Variants in HSBP1 observed in about 807,000 individuals in gnomAD.
HSBP1 encodes heat shock factor-binding protein 1.
In HSBP1, 5 loss-of-function variants were observed where a neutral mutation model predicts 9.6. The ratio of observed to expected loss-of-function variants is 0.52; its 90% CI spans 0.27 to 1.09. The LOEUF (loss-of-function observed/expected upper bound fraction) is 1.09. Ranked by LOEUF, HSBP1 falls within the 50% of genes least tolerant of loss-of-function variation. The pLI is 0.11. For missense variants in HSBP1, 121 were observed against 96.3 expected (o/e 1.26, Z -1.07); for synonymous variants, 42 against 33.3 (o/e 1.26, Z -0.90).
Position 83,809,348 on chromosome 16 carries a change from C to A in HSBP1, c.156C>A (p.Ile52=). 2 of 1,603,016 alleles carry A rather than the reference C, an allele frequency of 1.2e-6. No individual in the cohort carries two copies. The highest frequency in any genetic ancestry group is 2.2e-5 in the East Asian group (1 of 44,588). Residue 52 remains isoleucine, a synonymous_variant, in exon 3 of 4, where the codon ATC becomes ATA. Transcript: ENST00000433866. ...GCATTGATGATCTGGAAAAGAATAT[C>A]GCGGACCTCATGACACAGGCTGGGG... ...SSRIDDLEKN[I]ADLMTQAGVE...
At position 83,813,101 on chromosome 16, in the gene HSBP1, A is replaced by C. The variant is rs1458456515; in HGVS notation, c.*1683A>C. On this transcript the variant is annotated 3_prime_UTR_variant, in exon 4 of 4. Coordinates refer to ENST00000433866, the MANE Select transcript of HSBP1 (RefSeq NM_001537.4). ...GGACGGATTAAGTACAAGTAGCCCA[A>C]GGCAAAGCAGGAGAGGGGGTGTTGG... 8 of 151,640 alleles carry C rather than the reference A, an allele frequency of 5.3e-5. No homozygotes were observed. The highest frequency in any genetic ancestry group is 2.9e-5 in the Non-Finnish European group (2 of 68,088). The allele number at this position is 151,640 out of a possible 1,614,324, so 9.4% of individuals were successfully genotyped here.
chr16:83,808,950 G>C (rs1221973464), intron 2 of HSBP1, among the ~76,000 whole-genome samples: 2 of 152,192 alleles, frequency 1.3e-5, no homozygotes, highest in East Asian at 1.9e-4. Flanking sequence ...AGGAGCATAC[G>C]TCTACCAATC....
chr16:83,812,249 A>G lies in HSBP1; in HGVS notation c.*831A>G, dbSNP rs1904617099. The G allele has an allele frequency of 6.6e-6, 1 of 152,646 alleles. No individual in the cohort carries two copies. The highest frequency in any genetic ancestry group is 2.1e-4 in the South Asian group (1 of 4,838). 9.5% of individuals were successfully genotyped at this position (152,646 alleles called of 1,614,324 possible). On this transcript the variant is annotated 3_prime_UTR_variant, in exon 4 of 4. Transcript: ENST00000433866. ...TTGAGCTAGTGACTTGAAAAGAAAG[A>G]GAGAAGGAAAAGAGACCATATTAAG...
In HSBP1 at chr16:83,816,208, G is replaced by C. The variant is rs1175487716; in HGVS notation, c.*4790G>C. ...GAGGTCAGGAGTTCTAAACCAGCCTGGCCAACATGGCGAAACCCCCGTCTC... is the reference window on the plus strand; with the variant it reads ...GAGGTCAGGAGTTCTAAACCAGCCTCGCCAACATGGCGAAACCCCCGTCTC... On this transcript the variant is annotated 3_prime_UTR_variant, in exon 4 of 4. Transcript: ENST00000433866. 2 of 152,110 alleles carry C rather than the reference G, an allele frequency of 1.3e-5. No homozygotes were observed. Among genetic ancestry groups the C allele is most frequent in the East Asian group, 3.9e-4 (2 of 5,170 alleles). 9.4% of individuals were successfully genotyped at this position (152,110 alleles called of 1,614,324 possible).
rs539989197 is a variant in HSBP1, at chr16:83,812,521, G to C, written c.*1103G>C. ...TGATCCATATGATTGTCACCACAAA[G>C]TGCTTTTACACAAAAACTTGAAAAT... On this transcript the variant is annotated 3_prime_UTR_variant, in exon 4 of 4. Transcript: ENST00000433866. 59 of 152,272 alleles carry C rather than the reference G, an allele frequency of 3.9e-4. No homozygotes were observed. Among genetic ancestry groups the C allele is most frequent in the African/African-American group, 1.4e-3 (58 of 41,548 alleles). The allele number at this position is 152,272 out of a possible 1,614,324, so 9.4% of individuals were successfully genotyped here.
rs559616591 is a variant in HSBP1 at position 83,816,990 on chromosome 16, G to A, written c.*5572G>A. 1 of 152,156 alleles carries A rather than the reference G, an allele frequency of 6.6e-6. No homozygotes were observed. The highest frequency in any genetic ancestry group is 6.5e-5 in the Admixed American group (1 of 15,282). The allele number at this position is 152,156 out of a possible 1,614,324, so 9.4% of individuals were successfully genotyped here. On this transcript the variant is annotated 3_prime_UTR_variant, in exon 4 of 4. Transcript: ENST00000433866. The stretch of plus-strand genomic sequence containing the variant: ...TGGTAACACTGGAGATGGTTAAATC[G>A]GAATTAGCTGACTGTCAACCTTGGT...
In HSBP1 at chr16:83,815,011, T is replaced by G. The variant is rs1169657280; in HGVS notation, c.*3593T>G. On this transcript the variant is annotated 3_prime_UTR_variant, in exon 4 of 4. Coordinates refer to ENST00000433866, the MANE Select transcript of HSBP1 (RefSeq NM_001537.4). Reference sequence around the variant, plus strand: ...ACCATCCTATTGGATTTCACTGTTTTTTGTTTTGTGGTGTTTTTTTTTTAT... The same window carrying G: ...ACCATCCTATTGGATTTCACTGTTTGTTGTTTTGTGGTGTTTTTTTTTTAT... 1 of 126,224 alleles carries G rather than the reference T, an allele frequency of 7.9e-6. No individual in the cohort carries two copies. Among genetic ancestry groups the G allele is most frequent in the Non-Finnish European group, 1.8e-5 (1 of 55,916 alleles). The allele number at this position is 126,224 out of a possible 1,614,324, so 7.8% of individuals were successfully genotyped here.
In HSBP1 at chr16:83,818,248, C is replaced by T. The variant is rs1319328522; in HGVS notation, c.*6830C>T. The T allele has an allele frequency of 6.6e-6, 1 of 152,162 alleles. No individual in the cohort carries two copies. Among genetic ancestry groups the T allele is most frequent in the East Asian group, 1.9e-4 (1 of 5,198 alleles). 9.4% of individuals were successfully genotyped at this position (152,162 alleles called of 1,614,324 possible). On this transcript the variant is annotated 3_prime_UTR_variant, in exon 4 of 4. Transcript: ENST00000433866. ...ATGCGAGGAAGATTCTTTTCCTGGG[C>T]CACTCTCATTTTCTCAAACTTGGAC...
rs1047323605 is a variant in HSBP1, at chr16:83,808,027, A to T, written c.-50A>T. The T allele has an allele frequency of 6.1e-6, 9 of 1,474,686 alleles. No homozygotes were observed. Among genetic ancestry groups the T allele is most frequent in the Non-Finnish European group, 8.2e-6 (9 of 1,103,750 alleles). The allele number at this position is 1,474,686 out of a possible 1,614,324, so 91.4% of individuals were successfully genotyped here. ...CCGGGGCGACTGAGCGGACAAACGG[A>T]AGTGTAGGTTACGGTCTGAGACATC... On this transcript the variant is annotated 5_prime_UTR_variant, in exon 1 of 4. Coordinates refer to ENST00000433866, the MANE Select transcript of HSBP1 (RefSeq NM_001537.4).
chr16:83,808,215 C>T (rs1017429041), intron 1 of HSBP1, 94 bp downstream of exon 1: 40 of 1,095,590 alleles, frequency 3.7e-5, no homozygotes, highest in Non-Finnish European at 5.0e-5. Context: ...CGCGGCCGCG[C>T]GTGGCGTCTG....
In HSBP1 at chr16:83,816,777, T is replaced by G. The variant is rs1208854439; in HGVS notation, c.*5359T>G. On this transcript the variant is annotated 3_prime_UTR_variant, in exon 4 of 4. Transcript: ENST00000433866. ...GTGCTGAGGTTGAGGAATCCCAGCTTAACCCATTCATGAGACCACCTGAGC... is the reference window on the plus strand; with the variant it reads ...GTGCTGAGGTTGAGGAATCCCAGCTGAACCCATTCATGAGACCACCTGAGC... The G allele has an allele frequency of 2.6e-5, 4 of 152,160 alleles. No homozygotes were observed. Among genetic ancestry groups the G allele is most frequent in the African/African-American group, 9.7e-5 (4 of 41,422 alleles). 9.4% of individuals were successfully genotyped at this position (152,160 alleles called of 1,614,324 possible).
In HSBP1 at chr16:83,815,288, G is replaced by A. The variant is rs575679477; in HGVS notation, c.*3870G>A. 4.6e-5 allele frequency: 7 copies of A among 152,222 alleles called. No homozygotes were observed. In the South Asian group the frequency reaches 1.5e-3, roughly 32 times the overall value. 9.4% of individuals were successfully genotyped at this position (152,222 alleles called of 1,614,324 possible). A position where few individuals can be genotyped will look rare whatever the true frequency, so the allele number is the denominator to read the frequency against. On this transcript the variant is annotated 3_prime_UTR_variant, in exon 4 of 4. Transcript: ENST00000433866. Reference sequence around the variant, plus strand: ...TTTGTTTCAACAAGTCAGGATGACAGTATTTTAAAAAAGAAAAAAAGGCCA... The same window carrying A: ...TTTGTTTCAACAAGTCAGGATGACAATATTTTAAAAAAGAAAAAAAGGCCA...
rs564266393 is a variant in HSBP1, at chr16:83,812,328, T to A, written c.*910T>A. On this transcript the variant is annotated 3_prime_UTR_variant, in exon 4 of 4. Transcript: ENST00000433866. ...ATCAACGACTTGTAGTAGACTCAAG[T>A]TTTTAAAAAACACTATTTTACTTAA... 1 of 152,442 alleles carries A rather than the reference T, an allele frequency of 6.6e-6. No homozygotes were observed. Among genetic ancestry groups the A allele is most frequent in the African/African-American group, 2.4e-5 (1 of 41,572 alleles). The allele number at this position is 152,442 out of a possible 1,614,324, so 9.4% of individuals were successfully genotyped here.
chr16:83,810,521 CAAAAAA>C (rs751338141), intron 3 of HSBP1, among the ~76,000 whole-genome samples: 1 of 51,628 alleles, frequency 1.9e-5, no homozygotes, highest in Admixed American at 2.8e-4. Context: ...GACTCTGTCT[CAAAAAA>C]AAAAAAAAAA....
rs940306110 is a variant in HSBP1, at chr16:83,818,262, T to C, written c.*6844T>C. On this transcript the variant is annotated 3_prime_UTR_variant, in exon 4 of 4. Coordinates refer to ENST00000433866, the MANE Select transcript of HSBP1 (RefSeq NM_001537.4). ...CTTTTCCTGGGCCACTCTCATTTTCTCAAACTTGGACAAGTCTTAACAATA... is the reference window on the plus strand; with the variant it reads ...CTTTTCCTGGGCCACTCTCATTTTCCCAAACTTGGACAAGTCTTAACAATA... The C allele has an allele frequency of 5.3e-5, 8 of 152,214 alleles. No homozygotes were observed. The highest frequency in any genetic ancestry group is 7.3e-5 in the Non-Finnish European group (5 of 68,046). The allele number at this position is 152,214 out of a possible 1,614,324, so 9.4% of individuals were successfully genotyped here.
At position 83,808,266 on chromosome 16, in the gene HSBP1, C is replaced by T. The variant is rs776352270; in HGVS notation, c.45+145C>T. On this transcript the variant is annotated intron_variant, in intron 1 of 3. Transcript: ENST00000433866. ...TGGAAGCGTCTCTGGCCGAGGCTCC[C>T]GGCCACCTTGACCCCCGGGGCGCTC... The T allele has an allele frequency of 3.6e-5, 26 of 726,290 alleles. No homozygotes were observed. The African/African-American group carries it at 4.6e-4, about 13-fold the overall frequency. The allele number at this position is 726,290 out of a possible 1,614,324, so 45.0% of individuals were successfully genotyped here.
At chr16:83,808,303 G>C (rs577936975) in intron 1 of HSBP1, 182 bp downstream of exon 1, 4 of 584,576 alleles carry the variant, frequency 6.8e-6, no homozygotes, top group South Asian at 6.6e-5. Context: ...GTGCGGGCCA[G>C]TCTCCCCGCG....
In HSBP1 at chr16:83,813,309, C is replaced by G. The variant is rs1904643726; in HGVS notation, c.*1891C>G. ...TCTGTGAACCTCATGAAGAAATTAG[C>G]ATATTAAAGACTCTGAAAGTAGAGC... is the stretch of plus-strand genomic sequence containing the variant. On this transcript the variant is annotated 3_prime_UTR_variant, in exon 4 of 4. Coordinates refer to ENST00000433866, the MANE Select transcript of HSBP1 (RefSeq NM_001537.4). The G allele has an allele frequency of 6.6e-6, 1 of 152,246 alleles. No homozygotes were observed. The allele number at this position is 152,246 out of a possible 1,614,324, so 9.4% of individuals were successfully genotyped here.
rs761390175 is a variant in HSBP1 at position 83,808,736 on chromosome 16, C to T, written c.102C>T (p.Ile34=). ...AATTTCAGACCATGTCTGACCAGATCATTGGGAGAAATATCCTTTTTATCT... is the reference window on the plus strand; with the variant it reads ...AATTTCAGACCATGTCTGACCAGATTATTGGGAGAAATATCCTTTTTATCT... ...QDKFQTMSDQ[I]IGRIDDMSSR... The change falls in exon 2 of 4, where the codon ATC becomes ATT. Residue 34 remains isoleucine (I), a synonymous_variant. Transcript: ENST00000433866. The T allele has an allele frequency of 5.6e-6, 9 of 1,610,418 alleles. No individual in the cohort carries two copies. The highest frequency in any genetic ancestry group is 7.6e-6 in the Non-Finnish European group (9 of 1,177,136).
Sources: allele counts gnomAD v4.1 joint callset (sites outside exome capture counted in the v4.1 genomes callset), GRCh38; gene constraint gnomAD v4.1.1; transcripts MANE v1.5; gene names NCBI Gene and HGNC (gene_info 2026-07-23, HGNC 2026-07-21).